The following TENM3 variants were observed in gnomAD, a reference collection of about 807,000 sequenced individuals.
TENM3 encodes the protein teneurin transmembrane protein 3.
In TENM3, 63 loss-of-function variants were observed where a neutral mutation model predicts 255.1. The observed-to-expected ratio is 0.25, with a 90% CI of 0.20 to 0.30. The LOEUF is 0.30. Among genes scored for constraint, TENM3 ranks in the 10% least tolerant of loss-of-function variants. The pLI, the probability that TENM3 is intolerant of heterozygous loss-of-function variation, is 1.00. For missense variants in TENM3, 2,929 were observed against 3,461.1 expected, an observed-to-expected ratio of 0.85 and a Z score of 3.86; for synonymous variants, 1,306 against 1,322.3, an observed-to-expected ratio of 0.99 and a Z score of 0.27.
At chr4:182,146,252 A>T (rs1463767520) in intron 1 of TENM3, among the ~76,000 whole-genome samples, 1 of 152,230 alleles carries the variant, frequency 6.6e-6, no homozygotes, top group Non-Finnish European at 1.5e-5. Flanking sequence ...ATTATCTAAA[A>T]CTTCGAGCAT....
At chr4:182,594,490 A>G (rs1336326781) in intron 3 of TENM3, among the ~76,000 whole-genome samples, 1 of 152,168 alleles carries the variant, frequency 6.6e-6, no homozygotes, top group Non-Finnish European at 1.5e-5. Context: ...ACACCACTGC[A>G]CTTCAGCCTG....
At chr4:181,951,640 G>A in the TENM3 span, among the ~76,000 whole-genome samples, 1 of 152,200 alleles carries the variant, frequency 6.6e-6, no homozygotes, top group Non-Finnish European at 1.5e-5. Flanking sequence ...TGCTGTGCTT[G>A]GAGATGGACA....
the TENM3 span, among the ~76,000 whole-genome samples, chr4:181,828,502 C>T: frequency 6.6e-6 from 1 of 152,216 alleles, no homozygotes; most frequent in Non-Finnish European, 1.5e-5. Context: ...GATTAAGGCT[C>T]AAAGAGTTCA....
At chr4:181,687,162 A>T in the TENM3 span, among the ~76,000 whole-genome samples, 2 of 152,208 alleles carry the variant, frequency 1.3e-5, no homozygotes, top group African/African-American at 4.8e-5. Flanking sequence ...TTTAATAGTC[A>T]TATAATGGAA....
chr4:182,576,110 T>C (rs762932085), intron 3 of TENM3, among the ~76,000 whole-genome samples: 4 of 152,224 alleles, frequency 2.6e-5, no homozygotes, highest in South Asian at 2.1e-4. Context: ...ATTTATTCGG[T>C]AGATTTTTTT....
chr4:181,554,651 TATTA>T, the TENM3 span, among the ~76,000 whole-genome samples: 1 of 152,224 alleles, frequency 6.6e-6, no homozygotes, highest in South Asian at 2.1e-4. Context: ...TTAAATTCTT[TATTA>T]ATTTAGCCTT....
chr4:182,788,293 C>G (rs143956529), intron 24 of TENM3, among the ~76,000 whole-genome samples: 42 of 152,284 alleles, frequency 2.8e-4, no homozygotes, highest in African/African-American at 8.4e-4. Context: ...ATTGGTAAAG[C>G]AGAATTTAAT....
chr4:182,143,174 A>G (rs1368585958), upstream of TENM3: 2 of 167,164 alleles, frequency 1.2e-5, no homozygotes, highest in East Asian at 3.9e-4. The surrounding 1 kb of genome is among the most constrained non-coding windows in gnomAD (Gnocchi z 4.3). Flanking sequence ...AAGAGTAGTA[A>G]AAGTGGGGAG....
chr4:182,062,365 T>C, the TENM3 span, among the ~76,000 whole-genome samples: 7 of 152,190 alleles, frequency 4.6e-5, no homozygotes, highest in African/African-American at 9.6e-5. Context: ...CAAAATAAAA[T>C]AGTGAAATGT....
rs1745615822 is a variant in TENM3 at position 182,582,686 on chromosome 4, T to C, written c.512-18238T>C. On this transcript the variant is annotated intron_variant, in intron 3 of 27. Transcript: ENST00000511685. ...AAAAGTAGCAAACAGTATTTTTTAG[T>C]GTCAGGGATTAAAGGAATTGTTTTA... 2.0e-5 allele frequency among the ~76,000 whole-genome samples: 3 copies of C among 152,246 alleles called. No individual in the cohort carries two copies. The South Asian group carries it at 6.2e-4, about 32-fold the overall frequency.
chr4:181,828,893 G>C, the TENM3 span, among the ~76,000 whole-genome samples: 1 of 152,036 alleles, frequency 6.6e-6, no homozygotes, highest in Non-Finnish European at 1.5e-5. Context: ...CCCATCCCCA[G>C]GATTTCTAAT....
intron 13 of TENM3, among the ~76,000 whole-genome samples, chr4:182,715,917 GAA>G (rs1266332256): frequency 6.6e-6 from 1 of 152,200 alleles, no homozygotes; most frequent in African/African-American, 2.4e-5. Context: ...GGACAGTCAA[GAA>G]ACTTGAGCCA....
In TENM3 at chr4:182,361,233, G is replaced by A. The variant is rs182891044; in HGVS notation, c.511+14304G>A. On this transcript the variant is annotated intron_variant, in intron 3 of 27. Coordinates refer to ENST00000511685, the MANE Select transcript of TENM3 (RefSeq NM_001080477.4). ...GCTCTTCTCGAGGAGTATCTTTGTGGCGTTCTCTGTATTTCCTGAATCTGA... is the reference window on the plus strand; with the variant it reads ...GCTCTTCTCGAGGAGTATCTTTGTGACGTTCTCTGTATTTCCTGAATCTGA... 2.8e-3 allele frequency among the ~76,000 whole-genome samples: 427 copies of A among 152,188 alleles called. 3 individuals carry two copies. The highest frequency in any genetic ancestry group is 9.8e-3 in the African/African-American group (408 of 41,522).
chr4:182,034,639 C>T, the TENM3 span, among the ~76,000 whole-genome samples: 79 of 152,126 alleles, frequency 5.2e-4, 1 homozygote, highest in South Asian at 7.1e-3. Context: ...CCTTTGCTTA[C>T]GAAGCTTAGT....
chr4:181,888,514 A>ATATATATGTATATATATATATG, the TENM3 span, among the ~76,000 whole-genome samples: 2 of 27,666 alleles, frequency 7.2e-5, no homozygotes, highest in Middle Eastern at 0.019. Context: ...ATATATATAT[A>ATATATATGTATATATATATATG]TGTATATATA....
At chr4:182,127,668 T>C in the TENM3 span, among the ~76,000 whole-genome samples, 1 of 152,248 alleles carries the variant, frequency 6.6e-6, no homozygotes, top group Non-Finnish European at 1.5e-5. Context: ...AACTATTTGC[T>C]ACATTTTTAA....
the TENM3 span, among the ~76,000 whole-genome samples, chr4:181,808,808 G>A: frequency 6.6e-6 from 1 of 152,096 alleles, no homozygotes; most frequent in Non-Finnish European, 1.5e-5. Flanking sequence ...CACATACTGG[G>A]TACACACAAG....
At chr4:181,601,718 C>T in the TENM3 span, among the ~76,000 whole-genome samples, 5 of 152,148 alleles carry the variant, frequency 3.3e-5, no homozygotes, top group South Asian at 6.2e-4. Context: ...ATTTTGGCCC[C>T]GTCACGTTAG....
At chr4:182,554,192 A>G (rs1415264850) in intron 3 of TENM3, among the ~76,000 whole-genome samples, 5 of 152,138 alleles carry the variant, frequency 3.3e-5, no homozygotes, top group Non-Finnish European at 5.9e-5. Flanking sequence ...TCTCTTCTTC[A>G]TCCTTCATCT....
Sources: allele counts gnomAD v4.1 joint callset (sites outside exome capture counted in the v4.1 genomes callset), GRCh38; gene constraint gnomAD v4.1.1; non-coding constraint Gnocchi (gnomAD v3.1); transcripts MANE v1.5; gene names NCBI Gene and HGNC (gene_info 2026-07-23, HGNC 2026-07-21).